YBX1: variants seen among roughly 807,000 people sequenced by gnomAD.
YBX1 encodes Y-box binding protein 1.
YBX1 carries 3 observed loss-of-function variants against 41.4 expected under a neutral mutation model. The ratio of observed to expected loss-of-function variants is 0.07; its 90% CI spans 0.03 to 0.19. The LOEUF (loss-of-function observed/expected upper bound fraction) is 0.19, where lower values mean the gene tolerates loss of function less well. Ranked by LOEUF, YBX1 falls within the 10% of genes least tolerant of loss-of-function variation. The pLI is 1.00. For missense variants in YBX1, 274 were observed against 462.8 expected (o/e 0.59, Z 3.74); for synonymous variants, 133 against 165.8 (o/e 0.80, Z 1.52).
chr1:42,690,079 G>A (rs992656000), intron 2 of YBX1, among the ~76,000 whole-genome samples: 7 of 152,042 alleles, frequency 4.6e-5, no homozygotes, highest in South Asian at 2.1e-4. Context: ...CTAGCAGGGC[G>A]TGGTGGTGCA....
At chr1:42,698,993 AGTACAAGTGT>A (rs1650528883) in intron 6 of YBX1, among the ~76,000 whole-genome samples, 1 of 152,340 alleles carries the variant, frequency 6.6e-6, no homozygotes, top group African/African-American at 2.4e-5. Flanking sequence ...GACAGAGTAT[AGTACAAGTGT>A]TGCTGAAAAT....
Position 42,683,564 on chromosome 1 carries a change from TTCTGAAAGGCGTTTACTACC to T in YBX1, c.230+103_230+122del, listed in dbSNP as rs374767897. 17 of 1,380,486 alleles carry T rather than the reference TTCTGAAAGGCGTTTACTACC, an allele frequency of 1.2e-5. No individual in the cohort carries two copies. The African/African-American group carries it at 1.7e-4, about 14-fold the overall frequency. 85.5% of individuals were successfully genotyped at this position (1,380,486 alleles called of 1,614,324 possible). ...TGGGAAGCCCCAATCCACAGCTCTG[TTCTGAAAGGCGTTTACTACC>T]TCTGGTGTATTAGTATGATTTTTTG... On this transcript the variant is annotated intron_variant, in intron 2 of 7. Transcript: ENST00000321358.
At chr1:42,695,579 A>G (rs75838770) in intron 3 of YBX1, among the ~76,000 whole-genome samples, 2,100 of 152,368 alleles carry the variant, frequency 0.014, 38 homozygotes, top group African/African-American at 0.043. Flanking sequence ...AGTAGAAGCA[A>G]CAAGTCTCTA....
At chr1:42,685,348 A>C (rs1449373022) in intron 2 of YBX1, among the ~76,000 whole-genome samples, 1 of 152,198 alleles carries the variant, frequency 6.6e-6, no homozygotes, top group East Asian at 1.9e-4. Flanking sequence ...CTTTGTTTGG[A>C]CTATCCTAAC....
chr1:42,699,049 A>G (rs1650530465), intron 6 of YBX1, among the ~76,000 whole-genome samples: 1 of 152,182 alleles, frequency 6.6e-6, no homozygotes. Flanking sequence ...TGGGGGGTCA[A>G]AAAGGGAGGT....
chr1:42,689,088 A>G (rs1251943935), intron 2 of YBX1, among the ~76,000 whole-genome samples: 1 of 152,204 alleles, frequency 6.6e-6, no homozygotes, highest in Non-Finnish European at 1.5e-5. Context: ...ATTCAAGGAT[A>G]CACTGTATTA....
At chr1:42,687,339 C>T (rs1650219373) in intron 2 of YBX1, among the ~76,000 whole-genome samples, 1 of 144,246 alleles carries the variant, frequency 6.9e-6, no homozygotes, top group Non-Finnish European at 1.5e-5. Flanking sequence ...GGCTGGAGTG[C>T]AATGGCACGA....
In YBX1 at chr1:42,697,018, A is replaced by G. The variant is rs895217850; in HGVS notation, c.657+74A>G. On this transcript the variant is annotated intron_variant, in intron 5 of 7. Transcript: ENST00000321358. Reference sequence around the variant, plus strand: ...GTTTAGAGCTGTTAATTATATGGAAAGCAACTTGGATTCCTAGTAAGAACC... The same window carrying G: ...GTTTAGAGCTGTTAATTATATGGAAGGCAACTTGGATTCCTAGTAAGAACC... The G allele has an allele frequency of 6.8e-6, 10 of 1,476,170 alleles. No homozygotes were observed. In the Admixed American group the frequency reaches 7.9e-5, roughly 12 times the overall value. The allele number at this position is 1,476,170 out of a possible 1,614,324, so 91.4% of individuals were successfully genotyped here.
chr1:42,682,464 A>G lies in YBX1; in HGVS notation c.-102A>G. 1 of 1,260,946 alleles carries G rather than the reference A, an allele frequency of 7.9e-7. No homozygotes were observed. Among genetic ancestry groups the G allele is most frequent in the East Asian group, 3.3e-5 (1 of 30,480 alleles). 78.1% of individuals were successfully genotyped at this position (1,260,946 alleles called of 1,614,324 possible). ...AGCGGGAGCGGAGAGCGGACCCCAG[A>G]GAGCCCTGAGCAGCCCCACCGCCGC... On this transcript the variant is annotated 5_prime_UTR_variant, in exon 1 of 8. Coordinates refer to ENST00000321358, the MANE Select transcript of YBX1 (RefSeq NM_004559.5).
chr1:42,693,118 C>A (rs1256017061), intron 2 of YBX1, among the ~76,000 whole-genome samples: 1 of 152,106 alleles, frequency 6.6e-6, no homozygotes, highest in East Asian at 1.9e-4. Context: ...GAGAATGTAA[C>A]TACTACTTCT....
intron 2 of YBX1, among the ~76,000 whole-genome samples, chr1:42,684,561 T>C (rs1301554424): frequency 1.3e-5 from 2 of 152,226 alleles, no homozygotes; most frequent in African/African-American, 2.4e-5. Context: ...TAATCAATCA[T>C]AGAGTATTGT....
Position 42,696,521 on chromosome 1 carries a change from C to CT in YBX1, c.355-121_355-120insT. 5 of 726,948 alleles carry CT rather than the reference C, an allele frequency of 6.9e-6. No homozygotes were observed. The highest frequency in any genetic ancestry group is 3.0e-5 in the East Asian group (1 of 33,232). The allele number at this position is 726,948 out of a possible 1,614,324, so 45.0% of individuals were successfully genotyped here. On this transcript the variant is annotated intron_variant, in intron 4 of 7. Coordinates refer to ENST00000321358, the MANE Select transcript of YBX1 (RefSeq NM_004559.5). This position sits in a 1 kb window ranked among gnomAD's most constrained non-coding sequence, Gnocchi z 5.7. Reference sequence around the variant, plus strand: ...TGGTCACGCAGTTGCGCCCCCCCCCCCTTTTTTTTCCTTAACTTTGTTGTT... The same window carrying CT: ...TGGTCACGCAGTTGCGCCCCCCCCCCTCTTTTTTTTCCTTAACTTTGTTGTT...
chr1:42,701,649 A>G (rs1226534054), intron 7 of YBX1, among the ~76,000 whole-genome samples: 1 of 152,222 alleles, frequency 6.6e-6, no homozygotes, highest in Non-Finnish European at 1.5e-5. Context: ...TAGATTAATA[A>G]TAATAATTCT....
intron 2 of YBX1, among the ~76,000 whole-genome samples, chr1:42,685,337 C>T (rs1353961025): frequency 6.6e-6 from 1 of 152,056 alleles, no homozygotes; most frequent in Non-Finnish European, 1.5e-5. Flanking sequence ...TTTTGATGGT[C>T]CTTTGTTTGG....
chr1:42,693,763 A>C (rs1440911076), intron 3 of YBX1, among the ~76,000 whole-genome samples: 1 of 152,230 alleles, frequency 6.6e-6, no homozygotes, highest in African/African-American at 2.4e-5. Flanking sequence ...TCAAATGTTG[A>C]GTCAAACTCA....
chr1:42,690,247 CT>C lies in YBX1; in HGVS notation c.231-3230del, dbSNP rs201469298. On this transcript the variant is annotated intron_variant, in intron 2 of 7. Transcript: ENST00000321358. ...GAGTACTGTTATTTCTTTTTCTTTT[CT>C]TTTTTTTTTTTTAAGATCTGCAAAG... Among the ~76,000 whole-genome samples the C allele has an allele frequency of 7.5e-3, 1,082 of 143,758 alleles. 14 individuals are homozygous for C. Among genetic ancestry groups the C allele is most frequent in the African/African-American group, 0.023 (914 of 39,444 alleles). The allele number at this position is 143,758 out of a possible 152,430, so 94.3% of individuals were successfully genotyped here.
chr1:42,688,691 G>T (rs1274847848), intron 2 of YBX1, among the ~76,000 whole-genome samples: 5 of 152,116 alleles, frequency 3.3e-5, no homozygotes, highest in African/African-American at 1.2e-4. Context: ...AGCACCATGG[G>T]ACCCATGCAA....
chr1:42,692,218 T>C (rs1462287222), intron 2 of YBX1, among the ~76,000 whole-genome samples: 1 of 152,234 alleles, frequency 6.6e-6, no homozygotes, highest in East Asian at 1.9e-4. Context: ...TTTCTTACTC[T>C]ACCAGTTTTT....
At chr1:42,697,487 T>C (rs564259306) in intron 6 of YBX1, among the ~76,000 whole-genome samples, 1 of 152,354 alleles carries the variant, frequency 6.6e-6, no homozygotes, top group East Asian at 1.9e-4. Context: ...TCAAATTTTC[T>C]GTCCTTGAAC....
Sources: gnomAD v4.1 joint callset for allele counts (sites outside exome capture counted in the v4.1 genomes callset) on GRCh38, gnomAD v4.1.1 for gene constraint, Gnocchi (gnomAD v3.1) non-coding constraint, MANE v1.5 for transcripts, NCBI Gene and HGNC (gene_info 2026-07-23, HGNC 2026-07-21) for gene names.